The following HYDIN variants were observed in gnomAD, a reference collection of about 807,000 sequenced individuals.
HYDIN encodes the protein axonemal central pair apparatus protein HYDIN.
Under a neutral mutation model 403.9 loss-of-function variants are expected in HYDIN, and 132 were observed. That is an observed-to-expected ratio of 0.33 (90% CI 0.28 to 0.38). The LOEUF (loss-of-function observed/expected upper bound fraction) is 0.38, where lower values mean the gene tolerates loss of function less well. Among genes scored for constraint, HYDIN ranks in the 10% least tolerant of loss-of-function variants. The pLI, the probability that HYDIN is intolerant of heterozygous loss-of-function variation, is 1.00. For missense variants in HYDIN, 2,827 were observed against 5,009.5 expected (o/e 0.56, Z 13.15); for synonymous variants, 1,202 against 1,891.7 (o/e 0.64, Z 9.46).
intron 1 of HYDIN, among the ~76,000 whole-genome samples, chr16:71,227,170 T>C (rs2041071675): frequency 6.6e-6 from 1 of 151,964 alleles, no homozygotes; most frequent in African/African-American, 2.4e-5. Context: ...TGTGTATATA[T>C]ATATATATGA....
At chr16:71,177,281 G>T (rs1354096786) in intron 4 of HYDIN, among the ~76,000 whole-genome samples, 4 of 152,156 alleles carry the variant, frequency 2.6e-5, no homozygotes, top group Non-Finnish European at 5.9e-5. Flanking sequence ...CACTTTAGTA[G>T]GCTAAAAATA....
intron 1 of HYDIN, among the ~76,000 whole-genome samples, chr16:71,222,990 A>G (rs1036848072): frequency 3.3e-5 from 5 of 152,222 alleles, no homozygotes; most frequent in African/African-American, 1.2e-4. Context: ...ATTCACATGG[A>G]ACCAAAAAAG....
chr16:70,926,876 G>A (rs1212342207), intron 45 of HYDIN, among the ~76,000 whole-genome samples: 1 of 152,116 alleles, frequency 6.6e-6, no homozygotes, highest in Admixed American at 6.5e-5. Flanking sequence ...TTGAATAGCA[G>A]GTTAGACCTC....
chr16:71,083,741 GA>G (rs1275160979), intron 12 of HYDIN, among the ~76,000 whole-genome samples: 5 of 152,070 alleles, frequency 3.3e-5, no homozygotes, highest in Admixed American at 6.6e-5. Context: ...GTAGTGTGAT[GA>G]AGTCTTGTGT....
chr16:71,069,635 C>G, intron 13 of HYDIN, 133 bp from the exon 14 acceptor site: 1 of 637,170 alleles, frequency 1.6e-6, no homozygotes, highest in Non-Finnish European at 2.7e-6. Context: ...CTCCAACTTG[C>G]CCTAAATATT....
chr16:70,986,816 GA>G (rs2079206434), intron 27 of HYDIN, among the ~76,000 whole-genome samples: 2 of 116,014 alleles, frequency 1.7e-5, no homozygotes, highest in African/African-American at 6.5e-5. Context: ...GGGTTTGGCA[GA>G]GTGGAGGATG....
intron 52 of HYDIN, among the ~76,000 whole-genome samples, chr16:70,901,859 T>C (rs2076389469): frequency 1.3e-5 from 2 of 152,088 alleles, no homozygotes; most frequent in Admixed American, 6.5e-5. Context: ...GCTGGGATTA[T>C]AGGCGTGAGC....
intron 18 of HYDIN, among the ~76,000 whole-genome samples, chr16:71,043,442 G>A (rs2144204520): frequency 1.5e-5 from 2 of 134,016 alleles, no homozygotes; most frequent in South Asian, 2.3e-4. Flanking sequence ...TGAACAAACT[G>A]CCTCATTTTC....
chr16:71,143,805 T>C (rs2085260855), intron 7 of HYDIN, among the ~76,000 whole-genome samples: 1 of 152,310 alleles, frequency 6.6e-6, no homozygotes. Flanking sequence ...TATTGGCCTT[T>C]ATGAGGAAAA....
At chr16:71,192,167 T>G (rs1165537242) in intron 1 of HYDIN, among the ~76,000 whole-genome samples, 1 of 152,122 alleles carries the variant, frequency 6.6e-6, no homozygotes, top group African/African-American at 2.4e-5. Flanking sequence ...GAGTCCACAC[T>G]TTTGATCATG....
chr16:70,978,214 A>G (rs1397752913), intron 30 of HYDIN, among the ~76,000 whole-genome samples: 1 of 151,290 alleles, frequency 6.6e-6, no homozygotes, highest in African/African-American at 2.4e-5. Flanking sequence ...CAAGACTTAG[A>G]GGTCCCCTCC....
Position 70,964,915 on chromosome 16 carries a change from A to G in HYDIN, c.5620-19T>C. The G allele has an allele frequency of 6.2e-7, 1 of 1,613,272 alleles. No homozygotes were observed. The highest frequency in any genetic ancestry group is 1.1e-5 in the South Asian group (1 of 91,028). On this transcript the variant is annotated intron_variant, in intron 36 of 85. Coordinates refer to ENST00000393567, the MANE Select transcript of HYDIN (RefSeq NM_001270974.2). ...GCAAGATCTGCTCGAGGGGAGAAAG[A>G]GAATCCTGTTGGTCTCACTAGAAAT...
At chr16:71,126,844 T>C (rs2084484324) in intron 9 of HYDIN, among the ~76,000 whole-genome samples, 1 of 152,074 alleles carries the variant, frequency 6.6e-6, no homozygotes, top group Non-Finnish European at 1.5e-5. Flanking sequence ...TAAAAATCCT[T>C]TCCCAACTCA....
At chr16:71,078,773 C>T (rs6499441) in intron 13 of HYDIN, among the ~76,000 whole-genome samples, 3 of 149,230 alleles carry the variant, frequency 2.0e-5, no homozygotes, top group African/African-American at 5.1e-5. Context: ...CCCAAAGTGG[C>T]GGGATTATAG....
At chr16:71,027,440 C>T (rs996838317) in intron 20 of HYDIN, 162 bp downstream of exon 20, 3 of 1,509,654 alleles carry the variant, frequency 2.0e-6, no homozygotes, top group African/African-American at 1.4e-5. Flanking sequence ...AGAGCTGCAC[C>T]CCGAAAGCAA....
intron 83 of HYDIN, among the ~76,000 whole-genome samples, chr16:70,819,882 A>C (rs1597036063): frequency 6.9e-6 from 1 of 144,834 alleles, no homozygotes; most frequent in Admixed American, 6.9e-5. Flanking sequence ...ATCTCAGCTC[A>C]CTGCAAGCTC....
At chr16:70,942,724 T>C (rs903840503) in intron 42 of HYDIN, among the ~76,000 whole-genome samples, 2 of 152,106 alleles carry the variant, frequency 1.3e-5, no homozygotes, top group African/African-American at 4.8e-5. Flanking sequence ...ACTGAACAGG[T>C]ACCGTGGCCA....
At chr16:71,199,848 C>T (rs940599179) in intron 1 of HYDIN, among the ~76,000 whole-genome samples, 2 of 152,094 alleles carry the variant, frequency 1.3e-5, no homozygotes, top group African/African-American at 2.4e-5. Flanking sequence ...GTGTCAGAGG[C>T]GTGTGAACCA....
chr16:71,105,072 T>C (rs1441700879), intron 10 of HYDIN, among the ~76,000 whole-genome samples: 3 of 149,330 alleles, frequency 2.0e-5, no homozygotes, highest in East Asian at 2.0e-4. Context: ...AATGAAGAAA[T>C]AGAAAGCATA....
Sources: gnomAD v4.1 joint callset for allele counts (sites outside exome capture counted in the v4.1 genomes callset) on GRCh38, gnomAD v4.1.1 for gene constraint, MANE v1.5 for transcripts, NCBI Gene and HGNC (gene_info 2026-07-23, HGNC 2026-07-21) for gene names.